Variants in AFF1 observed in about 807,000 individuals in gnomAD.
AFF1 encodes AF4/FMR2 family member 1.
In AFF1, 48 loss-of-function variants were observed where a neutral mutation model predicts 121.7. The observed-to-expected ratio is 0.39, with a 90% CI of 0.31 to 0.50. The LOEUF (loss-of-function observed/expected upper bound fraction) is 0.50. Ranked by LOEUF, AFF1 falls within the 20% of genes least tolerant of loss-of-function variation. The pLI, the probability that AFF1 is intolerant of heterozygous loss-of-function variation, is 0.76. For missense variants in AFF1, 1,523 were observed against 1,511.7 expected (o/e 1.01, Z -0.12); for synonymous variants, 613 against 563.0 (o/e 1.09, Z -1.26).
chr4:87,088,799 C>T (rs1439591676), intron 5 of AFF1, among the ~76,000 whole-genome samples: 5 of 140,174 alleles, frequency 3.6e-5, no homozygotes, highest in African/African-American at 5.4e-5. Flanking sequence ...ATTTTTGAGA[C>T]GGAGTTTCAT....
At chr4:87,015,581 T>G (rs986145317) in intron 2 of AFF1, among the ~76,000 whole-genome samples, 5 of 152,248 alleles carry the variant, frequency 3.3e-5, no homozygotes, top group Admixed American at 1.3e-4. Flanking sequence ...GCAGTTAGAT[T>G]GAATTTGATA....
At chr4:86,975,791 T>C (rs1246772031) in intron 2 of AFF1, among the ~76,000 whole-genome samples, 3 of 152,208 alleles carry the variant, frequency 2.0e-5, no homozygotes, top group African/African-American at 2.4e-5. Flanking sequence ...GTATGTTGTA[T>C]TGGGGGAGAC....
At chr4:87,115,537 G>A (rs1179998417) in intron 12 of AFF1, among the ~76,000 whole-genome samples, 1 of 149,784 alleles carries the variant, frequency 6.7e-6, no homozygotes, top group African/African-American at 2.5e-5. Flanking sequence ...TTTGAAAAAA[G>A]GTGAGGCAGT....
Position 87,131,085 on chromosome 4 carries a change from G to A in AFF1, c.2967G>A (p.Thr989=), listed in dbSNP as rs774811579. 24 of 1,613,796 alleles carry A rather than the reference G, an allele frequency of 1.5e-5. No individual in the cohort carries two copies. The highest frequency in any genetic ancestry group is 2.2e-5 in the East Asian group (1 of 44,892). ...KKMKQKAELM[T]DRVGKAFKYL... is the part of the protein sequence containing the mutation. Reference sequence around the variant, plus strand: ...ATGACCATGTTCTTCTCCTGCAGACGGACAGGGTTGGAAAGGCTTTTAAGT... The same window carrying A: ...ATGACCATGTTCTTCTCCTGCAGACAGACAGGGTTGGAAAGGCTTTTAAGT... The change falls in exon 17 of 21, where the codon ACG becomes ACA. Residue 989 remains threonine (T), a splice_region_variant and synonymous_variant. Transcript: ENST00000395146.
intron 2 of AFF1, among the ~76,000 whole-genome samples, chr4:87,022,543 GATAT>G (rs1156817444): frequency 0.024 from 1,910 of 80,054 alleles, 66 homozygotes; most frequent in Admixed American, 0.082. Flanking sequence ...CGTGCTTACA[GATAT>G]ATATATATAT....
chr4:87,126,046 C>T (rs1198976528), intron 13 of AFF1, 53 bp from the exon 14 acceptor site: 1 of 1,545,128 alleles, frequency 6.5e-7, no homozygotes, highest in Non-Finnish European at 8.9e-7. Context: ...AACAACGAAG[C>T]CGCTTGATGT....
chr4:87,077,977 T>C (rs1689181746), intron 4 of AFF1, among the ~76,000 whole-genome samples: 1 of 152,200 alleles, frequency 6.6e-6, no homozygotes, highest in African/African-American at 2.4e-5. Flanking sequence ...TTTGTACATG[T>C]AGGAGGCAGT....
At chr4:86,961,059 A>G (rs1189647364) in intron 2 of AFF1, among the ~76,000 whole-genome samples, 1 of 152,190 alleles carries the variant, frequency 6.6e-6, no homozygotes, top group Non-Finnish European at 1.5e-5. Flanking sequence ...CAGATGAAAT[A>G]TTTCCAACTA....
chr4:86,994,736 T>C (rs1229281229), intron 2 of AFF1, among the ~76,000 whole-genome samples: 1 of 152,164 alleles, frequency 6.6e-6, no homozygotes, highest in African/African-American at 2.4e-5. Flanking sequence ...TGTTAGAGTT[T>C]AGATAATGGT....
intron 4 of AFF1, among the ~76,000 whole-genome samples, chr4:87,081,848 T>C (rs1723212098): frequency 6.6e-6 from 1 of 152,222 alleles, no homozygotes; most frequent in African/African-American, 2.4e-5. Flanking sequence ...TCAATGTTGC[T>C]AATCTAAAAT....
rs745893277 is a variant in AFF1 at position 87,089,974 on chromosome 4, ATC to A, written c.1105-8_1105-7del. ...TTTACTTTTTCTTCCCTTTCCAAAT[ATC>A]TTTCCAGGAAATGACCCATTCATGG... On this transcript the variant is annotated splice_polypyrimidine_tract_variant and splice_region_variant and intron_variant, in intron 5 of 20. Coordinates refer to ENST00000395146, the MANE Select transcript of AFF1 (RefSeq NM_001166693.3). 1.2e-6 allele frequency: 2 copies of A among 1,609,490 alleles called. No individual in the cohort carries two copies. The highest frequency in any genetic ancestry group is 1.7e-6 in the Non-Finnish European group (2 of 1,176,370).
chr4:87,024,716 G>C (rs2149569612), intron 2 of AFF1, among the ~76,000 whole-genome samples: 1 of 152,072 alleles, frequency 6.6e-6, no homozygotes, highest in East Asian at 1.9e-4. Flanking sequence ...TCAGCCTCCT[G>C]AGGCTGGGAT....
chr4:87,019,640 G>T (rs1352827145), intron 2 of AFF1, among the ~76,000 whole-genome samples: 1 of 152,238 alleles, frequency 6.6e-6, no homozygotes, highest in Non-Finnish European at 1.5e-5. Flanking sequence ...GAGGTTTAGG[G>T]AGAGTGGTGT....
chr4:86,995,597 G>A (rs1725087332), intron 2 of AFF1, among the ~76,000 whole-genome samples: 1 of 151,548 alleles, frequency 6.6e-6, no homozygotes, highest in South Asian at 2.1e-4. Context: ...TGCAGACGGA[G>A]TCTCCTTCAC....
chr4:86,997,342 CTG>C, intron 2 of AFF1, among the ~76,000 whole-genome samples: 2 of 152,370 alleles, frequency 1.3e-5, no homozygotes, highest in East Asian at 3.9e-4. Context: ...GGCCCCTTAA[CTG>C]TGGACTTCCC....
rs1357400251 is a variant in AFF1 at position 86,982,887 on chromosome 4, TG to T, written c.38+34317del. On this transcript the variant is annotated intron_variant, in intron 2 of 20. Transcript: ENST00000395146. ...AAAAAAAAAAAAAAGGAAGCTTGTT[TG>T]CCCCTTCCACTGTGTGAGGGCACAG... 2.8e-5 allele frequency among the ~76,000 whole-genome samples: 4 copies of T among 141,662 alleles called. No homozygotes were observed. The East Asian group carries it at 8.2e-4, about 29-fold the overall frequency. 92.9% of individuals were successfully genotyped at this position (141,662 alleles called of 152,430 possible). A position where few individuals can be genotyped will look rare whatever the true frequency, so the allele number is the denominator to read the frequency against.
intron 8 of AFF1, among the ~76,000 whole-genome samples, chr4:87,103,026 A>G (rs963234661): frequency 2.0e-5 from 3 of 152,266 alleles, no homozygotes; most frequent in Non-Finnish European, 4.4e-5. Flanking sequence ...TTCACCTGTC[A>G]TCAAACTGTC....
intron 16 of AFF1, among the ~76,000 whole-genome samples, chr4:87,128,264 C>T (rs1174915566): frequency 1.3e-5 from 2 of 152,218 alleles, no homozygotes; most frequent in Non-Finnish European, 2.9e-5. Context: ...AATGATTATA[C>T]TGTTGGTAAA....
rs776710743 is a variant in AFF1, at chr4:87,090,080, T to C, written c.1191+10T>C. On this transcript the variant is annotated intron_variant, in intron 6 of 20. Transcript: ENST00000395146. ...TCCTTTCCCTACAAAGGTAATTCCTTAAAAGTATGGCAGGCATTGCATCCA... is the reference window on the plus strand; with the variant it reads ...TCCTTTCCCTACAAAGGTAATTCCTCAAAAGTATGGCAGGCATTGCATCCA... The C allele has an allele frequency of 1.0e-5, 16 of 1,606,506 alleles. No individual in the cohort carries two copies. Among genetic ancestry groups the C allele is most frequent in the Non-Finnish European group, 1.4e-5 (16 of 1,173,218 alleles).
Sources: allele counts gnomAD v4.1 joint callset (sites outside exome capture counted in the v4.1 genomes callset), GRCh38; gene constraint gnomAD v4.1.1; transcripts MANE v1.5; gene names NCBI Gene and HGNC (gene_info 2026-07-23, HGNC 2026-07-21).